Variants in TRAM2 observed in about 807,000 individuals in gnomAD.
TRAM2 encodes translocating chain-associated membrane protein 2.
In TRAM2, 12 loss-of-function variants were observed where a neutral mutation model predicts 51.0. That is an observed-to-expected ratio of 0.24 (90% CI 0.15 to 0.38). The LOEUF is 0.38. TRAM2 is among the 10% of genes least tolerant of loss of function. The pLI is 1.00. For synonymous variants in TRAM2, 175 were observed against 179.4 expected, an observed-to-expected ratio of 0.98 and a Z score of 0.20; for missense variants, 361 against 462.0, an observed-to-expected ratio of 0.78 and a Z score of 2.00.
chr6:52,568,237 C>T (rs925472993), intron 1 of TRAM2, among the ~76,000 whole-genome samples: 1 of 152,170 alleles, frequency 6.6e-6, no homozygotes, highest in Non-Finnish European at 1.5e-5. Context: ...GAAGGGCACA[C>T]GTTCCAGCCA....
chr6:52,533,192 A>G lies in TRAM2; in HGVS notation c.184+2591T>C, dbSNP rs115931616. On this transcript the variant is annotated intron_variant, in intron 2 of 10. Transcript: ENST00000182527. ...AGATGGTGGTGATGGTAGCACAACA[A>G]TGTGAATGTACCTAATGCCACTAAG... Among the ~76,000 whole-genome samples the G allele has an allele frequency of 3.0e-3, 457 of 152,310 alleles. 3 individuals carry two copies. Among genetic ancestry groups the G allele is most frequent in the African/African-American group, 0.011 (440 of 41,564 alleles).
chr6:52,531,632 C>T (rs576651859), intron 2 of TRAM2, among the ~76,000 whole-genome samples: 3 of 152,306 alleles, frequency 2.0e-5, no homozygotes, highest in African/African-American at 4.8e-5. Context: ...GAGGTGTCTG[C>T]GCCCTCACTT....
At chr6:52,547,632 G>A (rs535752973) in intron 1 of TRAM2, among the ~76,000 whole-genome samples, 2 of 152,336 alleles carry the variant, frequency 1.3e-5, no homozygotes, top group South Asian at 2.1e-4. Flanking sequence ...CAGCAGCTGT[G>A]ACTTTACTTT....
rs541373955 is a variant in TRAM2 at position 52,526,137 on chromosome 6, A to G, written c.185-9400T>C. Among the ~76,000 whole-genome samples, 8 of 139,636 alleles carry G rather than the reference A, an allele frequency of 5.7e-5. No homozygotes were observed. In the East Asian group the frequency reaches 1.7e-3, roughly 29 times the overall value. The allele number at this position is 139,636 out of a possible 152,430, so 91.6% of individuals were successfully genotyped here. A position where few individuals can be genotyped will look rare whatever the true frequency, so the allele number is the denominator to read the frequency against. On this transcript the variant is annotated intron_variant, in intron 2 of 10. Transcript: ENST00000182527. Reference sequence around the variant, plus strand: ...GGTACTTTGTTATGGCCATCCTAGGAAATACACACAGACAGACACACACAC... The same window carrying G: ...GGTACTTTGTTATGGCCATCCTAGGGAATACACACAGACAGACACACACAC...
chr6:52,530,623 A>G (rs1013846585), intron 2 of TRAM2, among the ~76,000 whole-genome samples: 1 of 152,104 alleles, frequency 6.6e-6, no homozygotes, highest in Non-Finnish European at 1.5e-5. Context: ...ACACAGGGAG[A>G]AGTCCGTGTG....
At chr6:52,519,812 A>AG (rs951453323) in intron 2 of TRAM2, among the ~76,000 whole-genome samples, 2 of 148,838 alleles carry the variant, frequency 1.3e-5, no homozygotes, top group African/African-American at 4.9e-5. Context: ...TTCAGCCTTA[A>AG]AAAAAAAAAA....
intron 2 of TRAM2, among the ~76,000 whole-genome samples, chr6:52,526,345 G>C (rs1170232609): frequency 6.6e-6 from 1 of 152,178 alleles, no homozygotes; most frequent in Admixed American, 6.5e-5. Context: ...ATAAAACAAT[G>C]TAGCAAAGAT....
chr6:52,558,132 G>A (rs1178959525), intron 1 of TRAM2, among the ~76,000 whole-genome samples: 3 of 152,152 alleles, frequency 2.0e-5, no homozygotes, highest in Non-Finnish European at 2.9e-5. Context: ...CAGCTATAGA[G>A]CACAGCTCTC....
At chr6:52,544,436 A>G (rs943409371) in intron 1 of TRAM2, among the ~76,000 whole-genome samples, 31 of 152,226 alleles carry the variant, frequency 2.0e-4, no homozygotes, top group Admixed American at 1.5e-3. Flanking sequence ...CCATTCCAGT[A>G]GCTTTAGAAG....
chr6:52,571,994 T>C (rs955189885), intron 1 of TRAM2, among the ~76,000 whole-genome samples: 19 of 152,218 alleles, frequency 1.2e-4, no homozygotes, highest in African/African-American at 4.3e-4. Context: ...CTTCTGGATA[T>C]CACATTTGTG....
At chr6:52,509,387 G>T in intron 5 of TRAM2, 141 bp downstream of exon 5, 1 of 707,984 alleles carries the variant, frequency 1.4e-6, no homozygotes, top group Non-Finnish European at 2.4e-6. Context: ...TTCCAGACAA[G>T]TCTACCATCC....
At chr6:52,516,879 GCC>G in intron 2 of TRAM2, 142 bp from the exon 3 acceptor site, 1 of 664,070 alleles carries the variant, frequency 1.5e-6, no homozygotes. Context: ...GAAGGTTTCT[GCC>G]CCAGAATCCT....
chr6:52,532,484 T>G (rs1328994869), intron 2 of TRAM2, among the ~76,000 whole-genome samples: 1 of 152,232 alleles, frequency 6.6e-6, no homozygotes, highest in Non-Finnish European at 1.5e-5. Context: ...ACTTTAAATT[T>G]AGGGTTTATG....
chr6:52,570,810 C>T (rs1185814083), intron 1 of TRAM2, among the ~76,000 whole-genome samples: 3 of 141,730 alleles, frequency 2.1e-5, no homozygotes, highest in Admixed American at 1.4e-4. Context: ...CCCCCCCACA[C>T]GCACACACAC....
At chr6:52,565,395 G>A (rs1354340226) in intron 1 of TRAM2, among the ~76,000 whole-genome samples, 3 of 152,154 alleles carry the variant, frequency 2.0e-5, no homozygotes, top group African/African-American at 7.2e-5. Context: ...GGCAAGGCAG[G>A]GGAGGGCAAG....
At chr6:52,549,510 T>G (rs1767271680) in intron 1 of TRAM2, among the ~76,000 whole-genome samples, 1 of 152,234 alleles carries the variant, frequency 6.6e-6, no homozygotes, top group Admixed American at 6.5e-5. Flanking sequence ...TATTTCATAA[T>G]TAAACAATTA....
At chr6:52,572,116 T>C (rs138081121) in intron 1 of TRAM2, among the ~76,000 whole-genome samples, 1 of 152,338 alleles carries the variant, frequency 6.6e-6, no homozygotes, top group African/African-American at 2.4e-5. Context: ...CTGTTGCTCA[T>C]ATCATGGAGA....
intron 3 of TRAM2, 48 bp downstream of exon 3, chr6:52,516,580 A>C (rs765294563): frequency 1.6e-5 from 24 of 1,528,162 alleles, no homozygotes; most frequent in Non-Finnish European, 2.1e-5. Flanking sequence ...CCTCCACCCC[A>C]AGGCACCTCC....
chr6:52,535,019 T>G (rs1304759702), intron 2 of TRAM2, among the ~76,000 whole-genome samples: 1 of 152,158 alleles, frequency 6.6e-6, no homozygotes, highest in African/African-American at 2.4e-5. Context: ...GTGACAAGAC[T>G]TGTGGCTGGG....
Sources: allele counts gnomAD v4.1 joint callset (sites outside exome capture counted in the v4.1 genomes callset), GRCh38; gene constraint gnomAD v4.1.1; transcripts MANE v1.5; gene names NCBI Gene and HGNC (gene_info 2026-07-23, HGNC 2026-07-21).